NUP62CL: variants seen among roughly 807,000 people sequenced by gnomAD.
The protein encoded by NUP62CL is nucleoporin 62 C-terminal like, also known as nucleoporin-62 C-terminal-like protein.
Under a neutral mutation model 15.3 loss-of-function variants are expected in NUP62CL, and 13 were observed. The observed-to-expected ratio is 0.85, with a 90% confidence interval of 0.55 to 1.35. NUP62CL has a LOEUF of 1.35. NUP62CL is among the 40% of genes most tolerant of loss of function. The pLI, the probability that NUP62CL is intolerant of heterozygous loss-of-function variation, is 0.00. For synonymous variants in NUP62CL, 54 were observed against 49.2 expected (o/e 1.10, Z -0.41); for missense variants, 123 against 130.6 (o/e 0.94, Z 0.28).
chrX:107,170,286 T>G, intron 3 of NUP62CL, among the ~76,000 whole-genome samples: 1 of 111,816 alleles, frequency 8.9e-6, no homozygotes, highest in Non-Finnish European at 1.9e-5. Flanking sequence ...GAAAAATGTC[T>G]AAAAAGATAA....
At chrX:107,159,106 A>G (rs1888892741) in intron 4 of NUP62CL, among the ~76,000 whole-genome samples, 1 of 34,964 alleles carries the variant, frequency 2.9e-5, no homozygotes, top group South Asian at 2.0e-3. Context: ...TGAATAGACC[A>G]ATAACAGGAG....
chrX:107,176,517 G>C (rs1445715916), intron 2 of NUP62CL, among the ~76,000 whole-genome samples: 1 of 108,020 alleles, frequency 9.3e-6, no homozygotes, highest in Non-Finnish European at 1.9e-5. Context: ...CCAGGGGCTG[G>C]GAGGAATGGG....
intron 8 of NUP62CL, among the ~76,000 whole-genome samples, chrX:107,145,790 A>G (rs1360813347): frequency 9.0e-6 from 1 of 111,505 alleles, no homozygotes; most frequent in Admixed American, 9.5e-5. Context: ...GCCTTTTTTA[A>G]TCTAAGACTA....
intron 1 of NUP62CL, among the ~76,000 whole-genome samples, chrX:107,198,866 G>A (rs1927420219): frequency 8.9e-6 from 1 of 112,348 alleles, no homozygotes; most frequent in African/African-American, 3.2e-5. Flanking sequence ...CCCACCAGAA[G>A]GAACCAATTC....
intron 2 of NUP62CL, among the ~76,000 whole-genome samples, chrX:107,189,462 C>T (rs2147814894): frequency 9.1e-6 from 1 of 110,454 alleles, no homozygotes; most frequent in East Asian, 2.8e-4. Flanking sequence ...CCATACAATA[C>T]AACAGTATGC....
chrX:107,176,417 AC>A (rs1400993920), intron 2 of NUP62CL, among the ~76,000 whole-genome samples: 3 of 111,723 alleles, frequency 2.7e-5, no homozygotes, highest in Non-Finnish European at 5.6e-5. Flanking sequence ...GACCAAAAAA[AC>A]AAAACAAAAA....
At chrX:107,200,672 A>G (rs759535935) in intron 1 of NUP62CL, among the ~76,000 whole-genome samples, 6 of 107,365 alleles carry the variant, frequency 5.6e-5, no homozygotes, top group Admixed American at 1.0e-4. Flanking sequence ...GCTGAGAAGG[A>G]CCCAAGGGAT....
chrX:107,155,734 G>A (rs749853876), intron 4 of NUP62CL, among the ~76,000 whole-genome samples: 2 of 112,357 alleles, frequency 1.8e-5, no homozygotes, highest in Non-Finnish European at 3.8e-5. Flanking sequence ...TAGACAAAAT[G>A]TCCAAGATAA....
At chrX:107,152,388 T>G (rs1926066496) in intron 7 of NUP62CL, among the ~76,000 whole-genome samples, 2 of 108,724 alleles carry the variant, frequency 1.8e-5, no homozygotes, top group Admixed American at 1.0e-4. Flanking sequence ...TGATTTAGGT[T>G]AGTATAGATT....
intron 2 of NUP62CL, among the ~76,000 whole-genome samples, chrX:107,178,909 T>C (rs565336481): frequency 9.1e-6 from 1 of 109,545 alleles, no homozygotes; most frequent in South Asian, 4.0e-4. Context: ...CTGGCCAACA[T>C]GGTGAAACCC....
At chrX:107,133,802 G>T (rs1925576177) in intron 8 of NUP62CL, among the ~76,000 whole-genome samples, 1 of 112,092 alleles carries the variant, frequency 8.9e-6, no homozygotes, top group African/African-American at 3.2e-5. Context: ...TCCAGGTATG[G>T]TGGCACACAC....
intron 4 of NUP62CL, among the ~76,000 whole-genome samples, chrX:107,163,961 A>AAGACT (rs1926448403): frequency 8.9e-6 from 1 of 112,181 alleles, no homozygotes; most frequent in Non-Finnish European, 1.9e-5. Context: ...ACTAGACAGA[A>AAGACT]AGACTCCAAT....
intron 2 of NUP62CL, among the ~76,000 whole-genome samples, chrX:107,176,417 A>T (rs1275363358): frequency 9.0e-6 from 1 of 111,723 alleles, no homozygotes; most frequent in Non-Finnish European, 1.9e-5. Context: ...GACCAAAAAA[A>T]CAAAACAAAA....
intron 4 of NUP62CL, among the ~76,000 whole-genome samples, chrX:107,157,948 T>C (rs1393500668): frequency 9.5e-6 from 1 of 104,859 alleles, no homozygotes; most frequent in Non-Finnish European, 2.0e-5. Flanking sequence ...ACCAAGCAAA[T>C]GGAAAACAAA....
intron 2 of NUP62CL, among the ~76,000 whole-genome samples, chrX:107,177,359 G>A (rs1324465059): frequency 9.0e-6 from 1 of 111,534 alleles, no homozygotes; most frequent in Non-Finnish European, 1.9e-5. Flanking sequence ...AAGATGGTGT[G>A]ATAGACAGAA....
At chrX:107,164,869 G>A (rs895839359) in intron 4 of NUP62CL, among the ~76,000 whole-genome samples, 1 of 112,921 alleles carries the variant, frequency 8.9e-6, no homozygotes, top group African/African-American at 3.2e-5. Context: ...GGGAGGCCCA[G>A]ACGGGAGGAT....
intron 3 of NUP62CL, among the ~76,000 whole-genome samples, chrX:107,173,518 G>A (rs1401026637): frequency 8.9e-6 from 1 of 112,037 alleles, no homozygotes; most frequent in Non-Finnish European, 1.9e-5. Context: ...AGGGAGAAAA[G>A]TGGGGGAACC....
At chrX:107,187,962 T>C (rs1335057820) in intron 2 of NUP62CL, among the ~76,000 whole-genome samples, 1 of 112,628 alleles carries the variant, frequency 8.9e-6, no homozygotes, top group Non-Finnish European at 1.9e-5. Context: ...TTTGAATTCA[T>C]AAATGTGAAA....
intron 2 of NUP62CL, among the ~76,000 whole-genome samples, chrX:107,189,827 AGG>A (rs1927166904): frequency 2.2e-5 from 1 of 45,713 alleles, no homozygotes; most frequent in Admixed American, 3.4e-4. Context: ...AGAAAGAAGG[AGG>A]GAAGGAAGGA....
Sources: allele counts gnomAD v4.1 joint callset (sites outside exome capture counted in the v4.1 genomes callset), GRCh38; gene constraint gnomAD v4.1.1; transcripts MANE v1.5; gene names NCBI Gene and HGNC (gene_info 2026-07-23, HGNC 2026-07-21).